The following HS6ST3 variants were observed in gnomAD, a reference collection of about 807,000 sequenced individuals.
HS6ST3 encodes heparan sulfate 6-O-sulfotransferase 3.
A neutral mutation model predicts 36.7 loss-of-function variants in HS6ST3; 12 were observed. That is an observed-to-expected ratio of 0.33 (90% CI 0.21 to 0.53). The LOEUF (loss-of-function observed/expected upper bound fraction) is 0.53. Among genes scored for constraint, HS6ST3 ranks in the 20% least tolerant of loss-of-function variants. The pLI is 0.95. For missense variants in HS6ST3, 584 were observed against 640.9 expected (o/e 0.91, Z 0.96); for synonymous variants, 240 against 257.5 (o/e 0.93, Z 0.65).
At chr13:96,743,359 C>G (rs1047781347) in intron 1 of HS6ST3, among the ~76,000 whole-genome samples, 25 of 152,080 alleles carry the variant, frequency 1.6e-4, no homozygotes, top group African/African-American at 5.3e-4. Context: ...TGAACAGTCA[C>G]TCGGGCAATC....
intron 1 of HS6ST3, among the ~76,000 whole-genome samples, chr13:96,367,200 T>G (rs1010739285): frequency 6.6e-6 from 1 of 152,252 alleles, no homozygotes; most frequent in African/African-American, 2.4e-5. Context: ...ATATTTAACA[T>G]GGTTTTTGTA....
chr13:96,202,884 G>A (rs1171626480), intron 1 of HS6ST3, among the ~76,000 whole-genome samples: 1 of 152,150 alleles, frequency 6.6e-6, no homozygotes, highest in African/African-American at 2.4e-5. Context: ...TTCAGTGTGT[G>A]ATAAACTCCA....
At chr13:96,344,272 A>G (rs996047392) in intron 1 of HS6ST3, among the ~76,000 whole-genome samples, 13 of 152,316 alleles carry the variant, frequency 8.5e-5, no homozygotes, top group African/African-American at 2.6e-4. Context: ...AATAATCAAT[A>G]CAATCCTTTC....
chr13:96,302,862 A>G (rs976129508), intron 1 of HS6ST3, among the ~76,000 whole-genome samples: 10 of 152,196 alleles, frequency 6.6e-5, no homozygotes, highest in African/African-American at 2.4e-4. Context: ...CTATATACCT[A>G]TAATTTTATC....
intron 1 of HS6ST3, among the ~76,000 whole-genome samples, chr13:96,619,902 A>G (rs1045961753): frequency 6.6e-6 from 1 of 152,170 alleles, no homozygotes; most frequent in African/African-American, 2.4e-5. Context: ...ATTGGTGTAA[A>G]CAATGAAACT....
chr13:96,153,063 C>A (rs1327423130), intron 1 of HS6ST3, among the ~76,000 whole-genome samples: 8 of 152,134 alleles, frequency 5.3e-5, no homozygotes, highest in African/African-American at 1.9e-4. Context: ...TTTACCAGTT[C>A]CTTCATTTGG....
intron 1 of HS6ST3, among the ~76,000 whole-genome samples, chr13:96,542,150 G>A (rs956837468): frequency 4.6e-5 from 7 of 152,312 alleles, no homozygotes; most frequent in East Asian, 1.9e-4. Flanking sequence ...ACATAAGAAA[G>A]AGATGGTCCC....
At chr13:96,544,212 G>A (rs1324520553) in intron 1 of HS6ST3, among the ~76,000 whole-genome samples, 1 of 152,158 alleles carries the variant, frequency 6.6e-6, no homozygotes, top group Non-Finnish European at 1.5e-5. Flanking sequence ...CTGGAACACT[G>A]CGTCTAATTT....
intron 1 of HS6ST3, among the ~76,000 whole-genome samples, chr13:96,220,730 A>C (rs185953223): frequency 2.4e-4 from 36 of 152,276 alleles, no homozygotes; most frequent in African/African-American, 8.2e-4. Flanking sequence ...CTATGATGTA[A>C]ATTTTTAAGG....
chr13:96,300,881 A>G (rs543285017), intron 1 of HS6ST3, among the ~76,000 whole-genome samples: 10 of 152,360 alleles, frequency 6.6e-5, no homozygotes, highest in Non-Finnish European at 1.5e-4. Flanking sequence ...TGTTAATTGG[A>G]CAACATTTTG....
At chr13:96,479,274 A>G (rs929686629) in intron 1 of HS6ST3, among the ~76,000 whole-genome samples, 1 of 152,186 alleles carries the variant, frequency 6.6e-6, no homozygotes, top group African/African-American at 2.4e-5. Flanking sequence ...GGAAGATGGA[A>G]CAGTGAGGCT....
chr13:96,336,522 A>C (rs551397874), intron 1 of HS6ST3, among the ~76,000 whole-genome samples: 4 of 152,304 alleles, frequency 2.6e-5, no homozygotes, highest in South Asian at 2.1e-4. Flanking sequence ...TGTCCATATT[A>C]GAGGAGGTGA....
chr13:96,723,775 A>G (rs1297664234), intron 1 of HS6ST3, among the ~76,000 whole-genome samples: 1 of 152,180 alleles, frequency 6.6e-6, no homozygotes, highest in East Asian at 1.9e-4. Flanking sequence ...TTGTAATGTA[A>G]GGCATTTTAC....
intron 1 of HS6ST3, among the ~76,000 whole-genome samples, chr13:96,790,962 A>T (rs1487260942): frequency 6.6e-6 from 1 of 152,196 alleles, no homozygotes; most frequent in East Asian, 1.9e-4. Context: ...ACAAGAGAAC[A>T]TATGTGCTTT....
At chr13:96,117,604 T>C (rs1051084706) in intron 1 of HS6ST3, among the ~76,000 whole-genome samples, 8 of 152,124 alleles carry the variant, frequency 5.3e-5, no homozygotes, top group Admixed American at 1.3e-4. Flanking sequence ...TGATGATGAA[T>C]GACTGCAGCA....
At chr13:96,454,808 T>C (rs1248939660) in intron 1 of HS6ST3, among the ~76,000 whole-genome samples, 1 of 151,862 alleles carries the variant, frequency 6.6e-6, no homozygotes, top group African/African-American at 2.4e-5. Flanking sequence ...AAACTGATTA[T>C]GTGGTTCACT....
chr13:96,732,632 G>C (rs946185851), intron 1 of HS6ST3, among the ~76,000 whole-genome samples: 1 of 151,798 alleles, frequency 6.6e-6, no homozygotes, highest in Non-Finnish European at 1.5e-5. Context: ...GCTATTCAGG[G>C]TATTTTTTGG....
chr13:96,427,025 G>A (rs1020164905), intron 1 of HS6ST3, among the ~76,000 whole-genome samples: 2 of 152,140 alleles, frequency 1.3e-5, no homozygotes, highest in Admixed American at 1.3e-4. Context: ...AGCAGAATTG[G>A]GGGTAGGATT....
At position 96,614,297 on chromosome 13, in the gene HS6ST3, C is replaced by CAAAAA. The variant is rs67979751; in HGVS notation, c.708-218166_708-218162dup. The stretch of plus-strand genomic sequence containing the variant: ...TGGGCAACAGAGCAAGGATCCATCT[C>CAAAAA]AAAAAAAAAAAAAAAAAAAAAAAAA... On this transcript the variant is annotated intron_variant, in intron 1 of 1. Coordinates refer to ENST00000376705, the MANE Select transcript of HS6ST3 (RefSeq NM_153456.4). Among the ~76,000 whole-genome samples, 96 of 43,980 alleles carry CAAAAA rather than the reference C, an allele frequency of 2.2e-3. 4 individuals carry two copies. Among genetic ancestry groups the CAAAAA allele is most frequent in the African/African-American group, 3.7e-3 (40 of 10,752 alleles). The allele number at this position is 43,980 out of a possible 152,430, so 28.9% of individuals were successfully genotyped here.
Sources: allele counts gnomAD v4.1 joint callset (sites outside exome capture counted in the v4.1 genomes callset), GRCh38; gene constraint gnomAD v4.1.1; transcripts MANE v1.5; gene names NCBI Gene and HGNC (gene_info 2026-07-23, HGNC 2026-07-21).